The following XYLT1 variants were observed in gnomAD, a reference collection of about 807,000 sequenced individuals.
XYLT1 encodes xylosyltransferase 1, also known as beta-D-xylosyltransferase 1.
A neutral mutation model predicts 91.3 loss-of-function variants in XYLT1; 36 were observed. That is an observed-to-expected ratio of 0.39 (90% CI 0.30 to 0.52). XYLT1 has a LOEUF of 0.52. Among genes scored for constraint, XYLT1 ranks in the 20% least tolerant of loss-of-function variants. The pLI is 0.68. For missense variants in XYLT1, 1,242 were observed against 1,284.5 expected (o/e 0.97, Z 0.51); for synonymous variants, 588 against 532.0 (o/e 1.11, Z -1.45).
intron 5 of XYLT1, among the ~76,000 whole-genome samples, chr16:17,190,785 T>C (rs2032293263): frequency 6.6e-6 from 1 of 152,206 alleles, no homozygotes; most frequent in South Asian, 2.1e-4. Flanking sequence ...AGCAGCATGA[T>C]TTATAATCCT....
At chr16:17,138,291 T>C in intron 8 of XYLT1, 64 bp downstream of exon 8, 1 of 1,575,898 alleles carries the variant, frequency 6.3e-7, no homozygotes, top group East Asian at 2.3e-5. Flanking sequence ...TGGCCTTGGA[T>C]TTCTGCAGAG....
intron 3 of XYLT1, among the ~76,000 whole-genome samples, chr16:17,238,998 C>A: frequency 6.6e-6 from 1 of 152,252 alleles, no homozygotes; most frequent in African/African-American, 2.4e-5. Flanking sequence ...CTCTAATGAA[C>A]AATCCAGGTG....
chr16:17,195,676 C>A (rs2032412321), intron 5 of XYLT1, among the ~76,000 whole-genome samples: 1 of 152,058 alleles, frequency 6.6e-6, no homozygotes. Flanking sequence ...GAACTCCTGA[C>A]CTTGTGATCC....
chr16:17,335,643 G>A (rs367992045), intron 2 of XYLT1, among the ~76,000 whole-genome samples: 261 of 148,642 alleles, frequency 1.8e-3, no homozygotes, highest in African/African-American at 6.1e-3. Context: ...GCAGTGAGCC[G>A]AGATAGCGTC....
At chr16:17,322,513 T>C (rs1374955379) in intron 2 of XYLT1, among the ~76,000 whole-genome samples, 1 of 152,202 alleles carries the variant, frequency 6.6e-6, no homozygotes, top group Non-Finnish European at 1.5e-5. Flanking sequence ...TCTGGCTCAC[T>C]CCCACCATAC....
intron 1 of XYLT1, among the ~76,000 whole-genome samples, chr16:17,441,457 T>C (rs1294783540): frequency 6.6e-6 from 1 of 152,166 alleles, no homozygotes; most frequent in Non-Finnish European, 1.5e-5. Flanking sequence ...CTGATTCTCT[T>C]ACAGTCACAG....
intron 2 of XYLT1, among the ~76,000 whole-genome samples, chr16:17,353,754 C>T (rs1203623003): frequency 6.6e-6 from 1 of 152,186 alleles, no homozygotes; most frequent in African/African-American, 2.4e-5. Flanking sequence ...ATTGCATATA[C>T]CAAGCCCATT....
intron 2 of XYLT1, among the ~76,000 whole-genome samples, chr16:17,261,085 C>A (rs1480990746): frequency 2.0e-5 from 3 of 151,808 alleles, no homozygotes; most frequent in Non-Finnish European, 2.9e-5. Context: ...AACACACACA[C>A]ACAAAAAATA....
At chr16:17,235,867 G>GTTA (rs1203613075) in intron 3 of XYLT1, among the ~76,000 whole-genome samples, 5 of 152,018 alleles carry the variant, frequency 3.3e-5, no homozygotes, top group East Asian at 1.9e-4. Context: ...CTTAATCATT[G>GTTA]TTATTATTAT....
chr16:17,382,102 C>A (rs1426668747), intron 1 of XYLT1, among the ~76,000 whole-genome samples: 2 of 151,868 alleles, frequency 1.3e-5, no homozygotes, highest in Admixed American at 6.6e-5. Context: ...TCATTGGACA[C>A]CCACTATGTG....
chr16:17,251,523 C>A (rs939041021), intron 3 of XYLT1: 2 of 152,252 alleles, frequency 1.3e-5, no homozygotes, highest in African/African-American at 4.8e-5. Context: ...TAACCAGACC[C>A]AGCAAAGGGG....
At chr16:17,419,257 G>A (rs888228896) in intron 1 of XYLT1, among the ~76,000 whole-genome samples, 12 of 151,800 alleles carry the variant, frequency 7.9e-5, no homozygotes, top group African/African-American at 2.7e-4. Flanking sequence ...TGGAAGGCTC[G>A]CTTGAGACCT....
chr16:17,126,094 T>A (rs2141494218), intron 10 of XYLT1, among the ~76,000 whole-genome samples: 1 of 152,316 alleles, frequency 6.6e-6, no homozygotes, highest in African/African-American at 2.4e-5. Flanking sequence ...AATTAAGAGT[T>A]TAGAAAAAAT....
chr16:17,235,417 G>C (rs77034721), intron 3 of XYLT1, among the ~76,000 whole-genome samples: 9,434 of 150,424 alleles, frequency 0.063, 364 homozygotes, highest in Non-Finnish European at 0.084. Flanking sequence ...GGACGTACCA[G>C]TATCCCCATT....
chr16:17,358,422 C>A (rs1362514039), intron 1 of XYLT1, among the ~76,000 whole-genome samples: 2 of 152,126 alleles, frequency 1.3e-5, no homozygotes, highest in South Asian at 2.1e-4. Context: ...TAAGCATGAG[C>A]CACCACGCCA....
At chr16:17,190,073 A>G (rs993228852) in intron 5 of XYLT1, among the ~76,000 whole-genome samples, 5 of 152,158 alleles carry the variant, frequency 3.3e-5, no homozygotes, top group African/African-American at 9.7e-5. Context: ...AAATGTCAAG[A>G]ATAGGCAAAT....
In XYLT1 at chr16:17,198,385, G is replaced by A; in HGVS notation, c.1116C>T (p.Leu372=). 1 of 1,614,136 alleles carries A rather than the reference G, an allele frequency of 6.2e-7. No homozygotes were observed. Among genetic ancestry groups the A allele is most frequent in the African/African-American group, 1.3e-5 (1 of 75,052 alleles). ...CATTGCTGTACTGCCTGGAGACCTG[G>A]AGCACTTGCCGATGCAGGTAATTAG... The part of the protein sequence containing the change: ...KRSNYLHRQV[L]QVSRQYSNVR... The change falls in exon 5 of 12, where the codon CTC becomes CTT. Residue 372 remains leucine, a synonymous_variant. Transcript: ENST00000261381.
chr16:17,210,833 C>CT (rs1301971588), intron 3 of XYLT1, among the ~76,000 whole-genome samples: 6 of 152,172 alleles, frequency 3.9e-5, no homozygotes, highest in Admixed American at 3.9e-4. Flanking sequence ...CCTGAATACC[C>CT]TACCAGCAAA....
chr16:17,359,168 T>C (rs2141863862), intron 1 of XYLT1, among the ~76,000 whole-genome samples: 1 of 152,344 alleles, frequency 6.6e-6, no homozygotes, highest in African/African-American at 2.4e-5. Context: ...CTTGGATTTA[T>C]AATTCTGGGA....
Sources: gnomAD v4.1 joint callset for allele counts (sites outside exome capture counted in the v4.1 genomes callset) on GRCh38, gnomAD v4.1.1 for gene constraint, MANE v1.5 for transcripts, NCBI Gene and HGNC (gene_info 2026-07-23, HGNC 2026-07-21) for gene names.